The following GCSAML variants were observed in gnomAD, a reference collection of about 807,000 sequenced individuals.
GCSAML encodes the protein germinal center associated signaling and motility like.
In GCSAML, 9 loss-of-function variants were observed where a neutral mutation model predicts 13.0. The observed-to-expected ratio is 0.69, with a 90% CI of 0.42 to 1.21. GCSAML has a LOEUF of 1.21. GCSAML is among the 50% of genes most tolerant of loss of function. The pLI is 0.00. For missense variants in GCSAML, 143 were observed against 153.4 expected (o/e 0.93, Z 0.36); for synonymous variants, 37 against 52.9 (o/e 0.70, Z 1.31).
chr1:247,556,949 A>G (rs1199591567), intron 2 of GCSAML, among the ~76,000 whole-genome samples: 1 of 152,004 alleles, frequency 6.6e-6, no homozygotes, highest in Non-Finnish European at 1.5e-5. Flanking sequence ...CTCACTCTCT[A>G]CCTTCACCCA....
upstream of GCSAML, among the ~76,000 whole-genome samples, chr1:247,546,408 G>C (rs1667572888): frequency 1.3e-5 from 2 of 152,150 alleles, no homozygotes; most frequent in African/African-American, 2.4e-5. Flanking sequence ...ACCCAGGCTG[G>C]AGTGCAGTGG....
intron 4 of GCSAML, among the ~76,000 whole-genome samples, chr1:247,573,446 T>A (rs368710983): frequency 6.6e-6 from 1 of 151,798 alleles, no homozygotes; most frequent in East Asian, 1.9e-4. Context: ...AGGGAGGGAG[T>A]TCCCCAATCC....
upstream of GCSAML, among the ~76,000 whole-genome samples, chr1:247,547,471 A>C (rs1667622263): frequency 2.6e-5 from 4 of 152,240 alleles, no homozygotes; most frequent in Admixed American, 2.0e-4. Flanking sequence ...TCATTCGGTG[A>C]CTAAAAACTA....
chr1:247,512,807 C>T (rs139133264), intron 1 of GCSAML, among the ~76,000 whole-genome samples: 5 of 152,058 alleles, frequency 3.3e-5, no homozygotes, highest in African/African-American at 9.7e-5. Flanking sequence ...GGGGTCCGCT[C>T]GAGATCCTGT....
rs1421900298 is a variant in GCSAML at position 247,527,464 on chromosome 1, AGCCAT to A, written c.-148+412_-148+416del. ...CAACTTGACTACTGAGCTTAAACAA[AGCCAT>A]GAACTGGCAGATGAAAATTACAGTG... On this transcript the variant is annotated intron_variant, in intron 2 of 5. Coordinates refer to the GCSAML transcript ENST00000366489. This position sits in a 1 kb window ranked among gnomAD's most constrained non-coding sequence, Gnocchi z 4.6. 2 of 152,786 alleles carry A rather than the reference AGCCAT, an allele frequency of 1.3e-5. No homozygotes were observed. Among genetic ancestry groups the A allele is most frequent in the African/African-American group, 4.8e-5 (2 of 41,452 alleles). 9.5% of individuals were successfully genotyped at this position (152,786 alleles called of 1,614,324 possible).
At chr1:247,514,741 G>A (rs1572280218) in intron 1 of GCSAML, among the ~76,000 whole-genome samples, 1 of 107,772 alleles carries the variant, frequency 9.3e-6, no homozygotes, top group Non-Finnish European at 2.2e-5. Context: ...CCCACTTTAT[G>A]TTTTGTTTGC....
At chr1:247,565,711 G>A in intron 3 of GCSAML, 1 of 494,462 alleles carries the variant, frequency 2.0e-6, no homozygotes, top group Non-Finnish European at 3.5e-6. Flanking sequence ...TACTATTGAT[G>A]CTATCTCAGA....
At position 247,576,352 on chromosome 1, in the gene GCSAML, C is replaced by G. The variant is rs767383977; in HGVS notation, c.*1970C>G. 2 of 152,128 alleles carry G rather than the reference C, an allele frequency of 1.3e-5. No homozygotes were observed. The highest frequency in any genetic ancestry group is 1.3e-4 in the Admixed American group (2 of 15,276). 9.4% of individuals were successfully genotyped at this position (152,128 alleles called of 1,614,324 possible). ...TTGAGCCCAGGAGTTTGAGGCCAGA[C>G]TGCACAACACAGTGAGACCTCGTTT... is the stretch of plus-strand genomic sequence containing the variant. On this transcript the variant is annotated 3_prime_UTR_variant, in exon 5 of 5. Coordinates refer to ENST00000366488, the MANE Select transcript of GCSAML (RefSeq NM_145278.5).
chr1:247,523,050 C>A (rs10158379), intron 1 of GCSAML, among the ~76,000 whole-genome samples: 28,693 of 151,802 alleles, frequency 0.19, 2,868 homozygotes, highest in African/African-American at 0.23. Flanking sequence ...TCTATTGTAT[C>A]AAAAATGTTT....
chr1:247,545,779 T>G (rs1432786686), upstream of GCSAML, among the ~76,000 whole-genome samples: 1 of 152,212 alleles, frequency 6.6e-6, no homozygotes, highest in African/African-American at 2.4e-5. Flanking sequence ...TTCCTTAAAT[T>G]TTTTGGTAAT....
chr1:247,527,228 C>CT lies in GCSAML; in HGVS notation c.-148+175dup. The stretch of plus-strand genomic sequence containing the variant: ...CATTCTCCTCTGTGCCAAACAGGGG[C>CT]TGATGGATGGTCAGGGCAAAGCACA... On this transcript the variant is annotated intron_variant, in intron 2 of 5. Coordinates refer to the GCSAML transcript ENST00000366489. This position sits in a 1 kb window ranked among gnomAD's most constrained non-coding sequence, Gnocchi z 4.6. The CT allele has an allele frequency of 2.6e-6, 1 of 380,644 alleles. No homozygotes were observed. Among genetic ancestry groups the CT allele is most frequent in the Non-Finnish European group, 5.2e-6 (1 of 192,584 alleles). The allele number at this position is 380,644 out of a possible 1,614,324, so 23.6% of individuals were successfully genotyped here. A position where few individuals can be genotyped will look rare whatever the true frequency, so the allele number is the denominator to read the frequency against.
intron 1 of GCSAML, chr1:247,519,381 T>A (rs1477578299): frequency 2.6e-5 from 4 of 152,214 alleles, no homozygotes; most frequent in Non-Finnish European, 5.9e-5. Flanking sequence ...GGAGACAGCA[T>A]GGCAGAAACG....
At chr1:247,545,339 T>C (rs893043109), upstream of GCSAML, among the ~76,000 whole-genome samples, 2 of 152,242 alleles carry the variant, frequency 1.3e-5, no homozygotes, top group African/African-American at 2.4e-5. Context: ...TACAAATATG[T>C]ACAATTTTTT....
intron 4 of GCSAML, among the ~76,000 whole-genome samples, chr1:247,567,096 G>A (rs558604231): frequency 2.5e-4 from 38 of 150,522 alleles, no homozygotes; most frequent in Non-Finnish European, 5.5e-4. Context: ...AAGACACCAG[G>A]GCTTGGAGCA....
chr1:247,520,623 A>G (rs773365790), intron 1 of GCSAML, among the ~76,000 whole-genome samples: 2 of 152,232 alleles, frequency 1.3e-5, no homozygotes, highest in Non-Finnish European at 2.9e-5. Flanking sequence ...TATATAAAAT[A>G]AAGCACATCT....
At chr1:247,572,162 C>G (rs190431225) in intron 4 of GCSAML, among the ~76,000 whole-genome samples, 1 of 152,038 alleles carries the variant, frequency 6.6e-6, no homozygotes. Flanking sequence ...TCCTTTAGAT[C>G]GGAAGAGTTT....
chr1:247,532,792 A>AATGGTTTC (rs1667045173), intron 2 of GCSAML, among the ~76,000 whole-genome samples: 2 of 152,106 alleles, frequency 1.3e-5, no homozygotes, highest in African/African-American at 4.8e-5. Flanking sequence ...ATTGTTTTCA[A>AATGGTTTC]AAGTAGCCAC....
At chr1:247,554,465 C>CT (rs1220782238) in intron 1 of GCSAML, among the ~76,000 whole-genome samples, 4 of 152,010 alleles carry the variant, frequency 2.6e-5, no homozygotes, top group African/African-American at 4.8e-5. Flanking sequence ...TTACCCACAA[C>CT]TTTCTTGTTT....
chr1:247,561,099 G>A (rs1668111790), intron 2 of GCSAML, among the ~76,000 whole-genome samples: 1 of 152,046 alleles, frequency 6.6e-6, no homozygotes, highest in Non-Finnish European at 1.5e-5. Flanking sequence ...GACTACAGGT[G>A]CACACCATCA....
Sources: allele counts gnomAD v4.1 joint callset (sites outside exome capture counted in the v4.1 genomes callset), GRCh38; gene constraint gnomAD v4.1.1; non-coding constraint Gnocchi (gnomAD v3.1); transcripts MANE v1.5; gene names NCBI Gene and HGNC (gene_info 2026-07-23, HGNC 2026-07-21).